Variants in ADAMTSL3 observed in about 807,000 individuals in gnomAD.
The protein encoded by ADAMTSL3 is ADAMTS-like protein 3.
In ADAMTSL3, 128 loss-of-function variants were observed where a neutral mutation model predicts 201.7. The observed-to-expected ratio is 0.63, with a 90% CI of 0.55 to 0.73. The LOEUF (loss-of-function observed/expected upper bound fraction) is 0.73. Ranked by LOEUF, ADAMTSL3 falls within the 30% of genes least tolerant of loss-of-function variation. ADAMTSL3 has a pLI of 0.00. For missense variants in ADAMTSL3, 1,990 were observed against 2,119.6 expected, an observed-to-expected ratio of 0.94 and a Z score of 1.20; for synonymous variants, 738 against 748.4, an observed-to-expected ratio of 0.99 and a Z score of 0.23.
intron 23 of ADAMTSL3, among the ~76,000 whole-genome samples, chr15:84,002,011 AT>A (rs1211786305): frequency 2.6e-5 from 4 of 152,238 alleles, no homozygotes; most frequent in Non-Finnish European, 5.9e-5. Flanking sequence ...GATTTAGCAG[AT>A]TAAAAAGACT....
chr15:83,824,511 T>C (rs1388981189), intron 6 of ADAMTSL3, among the ~76,000 whole-genome samples: 1 of 152,218 alleles, frequency 6.6e-6, no homozygotes, highest in Non-Finnish European at 1.5e-5. Context: ...TAGTTTACAT[T>C]AGGCCTCACT....
intron 22 of ADAMTSL3, among the ~76,000 whole-genome samples, chr15:83,989,028 G>A (rs1054464843): frequency 2.6e-5 from 4 of 151,624 alleles, no homozygotes; most frequent in East Asian, 3.9e-4. Context: ...GACTACAGGC[G>A]CCCGCCACCA....
At chr15:83,912,966 A>G (rs1174766742) in intron 15 of ADAMTSL3, 126 bp from the exon 16 acceptor site, 1 of 980,494 alleles carries the variant, frequency 1.0e-6, no homozygotes, top group Non-Finnish European at 1.5e-6. Context: ...AAAATTCCAA[A>G]TGTGTGGAAT....
intron 15 of ADAMTSL3, 86 bp downstream of exon 15, chr15:83,899,817 G>A: frequency 6.8e-7 from 1 of 1,472,454 alleles, no homozygotes; most frequent in Non-Finnish European, 9.1e-7. Context: ...GGAGTACAGT[G>A]ATACATTTAA....
At chr15:83,870,053 T>G (rs1476809554) in intron 8 of ADAMTSL3, among the ~76,000 whole-genome samples, 1 of 152,188 alleles carries the variant, frequency 6.6e-6, no homozygotes, top group Non-Finnish European at 1.5e-5. Context: ...GTACAAATGT[T>G]TTTTTGTTTA....
intron 3 of ADAMTSL3, among the ~76,000 whole-genome samples, chr15:83,714,534 G>T (rs2061973954): frequency 6.6e-6 from 1 of 152,068 alleles, no homozygotes; most frequent in Non-Finnish European, 1.5e-5. Context: ...TCTAACCCTT[G>T]TATATCCTTC....
chr15:84,030,613 A>G (rs1377412404), intron 27 of ADAMTSL3, among the ~76,000 whole-genome samples: 1 of 152,072 alleles, frequency 6.6e-6, no homozygotes, highest in Admixed American at 6.6e-5. Context: ...TTCAGATGAG[A>G]CTTTGGACTT....
chr15:83,863,187 C>G (rs997606903), intron 8 of ADAMTSL3, among the ~76,000 whole-genome samples: 7 of 152,134 alleles, frequency 4.6e-5, no homozygotes, highest in Non-Finnish European at 8.8e-5. Flanking sequence ...TTTAACAACC[C>G]ACTGTCAACA....
chr15:83,968,234 G>GACTA (rs2067125667), intron 19 of ADAMTSL3, among the ~76,000 whole-genome samples: 2 of 152,138 alleles, frequency 1.3e-5, no homozygotes, highest in Non-Finnish European at 2.9e-5. Flanking sequence ...ACTATCATCA[G>GACTA]ACTAACAGGC....
At position 83,995,476 on chromosome 15, in the gene ADAMTSL3, A is replaced by C. The variant is rs558027503; in HGVS notation, c.3973+4262A>C. On this transcript the variant is annotated intron_variant, in intron 23 of 29. Transcript: ENST00000286744. The stretch of plus-strand genomic sequence containing the variant: ...ACAGTCCCATTAAAGTCAGGAAAAA[A>C]CATACGATGCCCTTTATCACTATAT... Among the ~76,000 whole-genome samples the C allele has an allele frequency of 3.9e-5, 6 of 152,292 alleles. No individual in the cohort carries two copies. In the South Asian group the frequency reaches 1.0e-3, roughly 26 times the overall value.
At chr15:83,736,284 A>G (rs1443017496) in intron 3 of ADAMTSL3, among the ~76,000 whole-genome samples, 8 of 152,236 alleles carry the variant, frequency 5.3e-5, no homozygotes, top group Non-Finnish European at 1.0e-4. Context: ...AGACCATGTC[A>G]AAGAAAATAA....
chr15:83,711,690 C>T (rs904880911), intron 3 of ADAMTSL3, among the ~76,000 whole-genome samples: 1 of 152,238 alleles, frequency 6.6e-6, no homozygotes, highest in Non-Finnish European at 1.5e-5. Flanking sequence ...TGCATGAATA[C>T]TGCACATGCA....
intron 2 of ADAMTSL3, among the ~76,000 whole-genome samples, chr15:83,684,858 C>T (rs117427668): frequency 0.013 from 1,939 of 152,032 alleles, 23 homozygotes; most frequent in Non-Finnish European, 0.019. Context: ...AAGGTCTATA[C>T]CTAGGAGTGG....
intron 16 of ADAMTSL3, among the ~76,000 whole-genome samples, chr15:83,923,541 T>G (rs530195258): frequency 6.6e-6 from 1 of 152,324 alleles, no homozygotes; most frequent in South Asian, 2.1e-4. Flanking sequence ...TGTGACTGTT[T>G]GGAAGGAACA....
rs529018938 is a variant in ADAMTSL3 at position 83,919,086 on chromosome 15, A to G, written c.1988-4818A>G. On this transcript the variant is annotated intron_variant, in intron 16 of 29. Coordinates refer to ENST00000286744, the MANE Select transcript of ADAMTSL3 (RefSeq NM_207517.3). The stretch of plus-strand genomic sequence containing the variant: ...AACCCATGAGTTCATTTGTGAACAT[A>G]ATGCTTTTAAGATGCCTCTCGACTT... 3.9e-5 allele frequency among the ~76,000 whole-genome samples: 6 copies of G among 152,260 alleles called. No homozygotes were observed. In the East Asian group the frequency reaches 1.2e-3, roughly 29 times the overall value.
chr15:83,889,721 C>T (rs1447270475), intron 10 of ADAMTSL3, among the ~76,000 whole-genome samples: 1 of 152,138 alleles, frequency 6.6e-6, no homozygotes, highest in African/African-American at 2.4e-5. Context: ...GAATAACTCT[C>T]CTGCACCTGG....
intron 19 of ADAMTSL3, among the ~76,000 whole-genome samples, chr15:83,950,685 A>G (rs545643347): frequency 2.6e-4 from 40 of 151,714 alleles, no homozygotes; most frequent in African/African-American, 3.9e-4. Flanking sequence ...TCTTTCATCA[A>G]TGTTTTATAG....
chr15:83,986,499 A>T lies in ADAMTSL3; in HGVS notation c.3717-2192A>T, dbSNP rs144248745. 5.9e-5 allele frequency among the ~76,000 whole-genome samples: 9 copies of T among 152,324 alleles called. No homozygotes were observed. The East Asian group carries it at 1.7e-3, about 29-fold the overall frequency. On this transcript the variant is annotated intron_variant, in intron 21 of 29. Transcript: ENST00000286744. Reference sequence around the variant, plus strand: ...AGCCATTCAAAACAGAAGCAATTTCATATGTCTAATAAAAGGTTTTGTTTT... The same window carrying T: ...AGCCATTCAAAACAGAAGCAATTTCTTATGTCTAATAAAAGGTTTTGTTTT...
intron 2 of ADAMTSL3, among the ~76,000 whole-genome samples, chr15:83,660,792 C>A (rs2061151872): frequency 6.6e-6 from 1 of 151,856 alleles, no homozygotes; most frequent in African/African-American, 2.4e-5. Flanking sequence ...TTAATTAGAT[C>A]CCATTTGTCA....
Sources: allele counts gnomAD v4.1 joint callset (sites outside exome capture counted in the v4.1 genomes callset), GRCh38; gene constraint gnomAD v4.1.1; transcripts MANE v1.5; gene names NCBI Gene and HGNC (gene_info 2026-07-23, HGNC 2026-07-21).